DNMT1: variants seen among roughly 807,000 people sequenced by gnomAD.
DNMT1 encodes the protein DNA (cytosine-5)-methyltransferase 1.
Under a neutral mutation model 205.3 loss-of-function variants are expected in DNMT1, and 24 were observed. The observed-to-expected ratio is 0.12, with a 90% confidence interval of 0.08 to 0.16. The LOEUF (loss-of-function observed/expected upper bound fraction) is 0.16. DNMT1 is among the 10% of genes least tolerant of loss of function. The probability of loss-of-function intolerance (pLI) is 1.00; values close to 1 mark genes in which losing one functional copy is unlikely to be tolerated. For synonymous variants in DNMT1, 817 were observed against 839.8 expected, an observed-to-expected ratio of 0.97 and a Z score of 0.47; for missense variants, 1,293 against 2,177.7, an observed-to-expected ratio of 0.59 and a Z score of 8.09.
At chr19:10,150,497 C>A (rs892693100) in intron 24 of DNMT1, among the ~76,000 whole-genome samples, 2 of 152,212 alleles carry the variant, frequency 1.3e-5, no homozygotes, top group Non-Finnish European at 2.9e-5. Context: ...CTCCCAGCCC[C>A]CTACCCTGCA....
At chr19:10,193,650 A>G (rs1364147337) in intron 1 of DNMT1, among the ~76,000 whole-genome samples, 1 of 147,738 alleles carries the variant, frequency 6.8e-6, no homozygotes, top group African/African-American at 2.5e-5. Context: ...GGCATAAGCC[A>G]CAGCACCCAG....
chr19:10,177,497 G>T, intron 5 of DNMT1, 130 bp from the exon 6 acceptor site: 1 of 884,538 alleles, frequency 1.1e-6, no homozygotes, highest in Non-Finnish European at 1.7e-6. Flanking sequence ...AAGCATCTTT[G>T]CATTTTTATT....
Position 10,154,154 on chromosome 19 carries a change from CACTA to C in DNMT1, c.2019+135_2019+138del, listed in dbSNP as rs2038406166. 5.6e-6 allele frequency: 5 copies of C among 896,862 alleles called. No homozygotes were observed. In the East Asian group the frequency reaches 7.2e-5, roughly 13 times the overall value. The allele number at this position is 896,862 out of a possible 1,614,324, so 55.6% of individuals were successfully genotyped here. On this transcript the variant is annotated intron_variant, in intron 22 of 40. Transcript: ENST00000359526. This position sits in a 1 kb window ranked among gnomAD's most constrained non-coding sequence, Gnocchi z 6.3. Reference sequence around the variant, plus strand: ...TGAAGTATGCAGGGTCCTCCCAGACCACTAACTAATTTCTGTCTCAGGGGTCACA... The same window carrying C: ...TGAAGTATGCAGGGTCCTCCCAGACCACTAATTTCTGTCTCAGGGGTCACA...
At chr19:10,143,652 G>A (rs1205530176) in intron 29 of DNMT1, 114 bp downstream of exon 29, 2 of 1,187,498 alleles carry the variant, frequency 1.7e-6, no homozygotes, top group African/African-American at 3.0e-5. Context: ...TGGAAAAACA[G>A]CTACTTCAAC....
In DNMT1 at chr19:10,154,214, A is replaced by T; in HGVS notation, c.2019+79T>A. ...GCAGCCAGAGTCTCAAGCCACAGAG[A>T]GAAAGATGGAGCAGTCCTCAGATCA... is the stretch of plus-strand genomic sequence containing the variant. On this transcript the variant is annotated intron_variant, in intron 22 of 40. Transcript: ENST00000359526. This position sits in a 1 kb window ranked among gnomAD's most constrained non-coding sequence, Gnocchi z 6.3. 1 of 1,441,252 alleles carries T rather than the reference A, an allele frequency of 6.9e-7. No individual in the cohort carries two copies. The highest frequency in any genetic ancestry group is 2.0e-4 in the Middle Eastern group (1 of 4,884). The allele number at this position is 1,441,252 out of a possible 1,614,324, so 89.3% of individuals were successfully genotyped here.
intron 39 of DNMT1, 140 bp from the exon 40 acceptor site, chr19:10,134,447 A>G (rs1423189290): frequency 5.5e-6 from 4 of 728,100 alleles, no homozygotes; most frequent in South Asian, 1.8e-5. Context: ...TCCTGCTCAC[A>G]TGGGCCCAAA....
At chr19:10,189,058 C>T (rs961270624) in intron 1 of DNMT1, among the ~76,000 whole-genome samples, 5 of 152,000 alleles carry the variant, frequency 3.3e-5, no homozygotes, top group African/African-American at 7.2e-5. Flanking sequence ...TCCTTTAAGC[C>T]GGCAAGTTTG....
In DNMT1 at chr19:10,140,526, C is replaced by T. The variant is rs1471460427; in HGVS notation, c.3524-198G>A. 1.5e-5 allele frequency: 14 copies of T among 912,556 alleles called. No individual in the cohort carries two copies. Among genetic ancestry groups the T allele is most frequent in the African/African-American group, 8.3e-5 (5 of 60,122 alleles). 56.5% of individuals were successfully genotyped at this position (912,556 alleles called of 1,614,324 possible). ...CTGGGACTACAGGCACACACCACCACGCCCAGCTAATTTTTGTATTCTTAT... is the reference window on the plus strand; with the variant it reads ...CTGGGACTACAGGCACACACCACCATGCCCAGCTAATTTTTGTATTCTTAT... On this transcript the variant is annotated intron_variant, in intron 32 of 40. Transcript: ENST00000359526. The surrounding 1 kb of genome is among the most constrained non-coding windows in gnomAD (Gnocchi z 8.4).
At chr19:10,181,732 G>A (rs986790224) in intron 2 of DNMT1, among the ~76,000 whole-genome samples, 1 of 152,022 alleles carries the variant, frequency 6.6e-6, no homozygotes, top group Non-Finnish European at 1.5e-5. Context: ...GGGAGGCTGA[G>A]GCAGGAGAAC....
At chr19:10,153,210 A>G (rs1331570744) in intron 22 of DNMT1, among the ~76,000 whole-genome samples, 2 of 152,224 alleles carry the variant, frequency 1.3e-5, no homozygotes, top group African/African-American at 2.4e-5. Context: ...CCACATATTT[A>G]CAATACTGAA....
At chr19:10,166,050 C>T (rs1157602032) in intron 11 of DNMT1, among the ~76,000 whole-genome samples, 1 of 152,152 alleles carries the variant, frequency 6.6e-6, no homozygotes, top group Non-Finnish European at 1.5e-5. Flanking sequence ...CGCCCCCCAC[C>T]GATGACCTAG....
chr19:10,194,795 C>G, intron 1 of DNMT1, 25 bp downstream of exon 1: 1 of 1,609,264 alleles, frequency 6.2e-7, no homozygotes, highest in Non-Finnish European at 8.5e-7. Flanking sequence ...CCCCCTGAGT[C>G]CGTGTTCCCC....
chr19:10,181,043 G>T (rs1478819232), intron 2 of DNMT1, among the ~76,000 whole-genome samples, 158 bp from the exon 3 acceptor site: 3 of 152,192 alleles, frequency 2.0e-5, no homozygotes, highest in African/African-American at 7.2e-5. Context: ...AATGTGTTCA[G>T]GGAATTTCCA....
chr19:10,140,272 G>T lies in DNMT1; in HGVS notation c.3580C>A (p.Arg1194=). 6.2e-7 allele frequency: 1 copy of T among 1,614,014 alleles called. No individual in the cohort carries two copies. The highest frequency in any genetic ancestry group is 1.1e-5 in the South Asian group (1 of 91,084). The change falls in exon 33 of 41, where the codon CGG becomes AGG. Residue 1194 remains arginine (R), a synonymous_variant. Transcript: ENST00000359526. The surrounding 1 kb of genome is among the most constrained non-coding windows in gnomAD (Gnocchi z 8.4). The part of the protein sequence containing the change: ...EMWDPAAQAF[R]LNNPGSTVFT... ...ACTGTGGAGCCGGGGTTGTTCAGCC[G>T]GAACGCCTGGGCCGCAGGGTCCCAC...
At chr19:10,177,119 G>GT (rs2038952228) in intron 6 of DNMT1, among the ~76,000 whole-genome samples, 173 bp downstream of exon 6, 1 of 152,004 alleles carries the variant, frequency 6.6e-6, no homozygotes, top group Non-Finnish European at 1.5e-5. Flanking sequence ...TCCTATATGA[G>GT]TAAAAACAGG....
chr19:10,189,265 G>A (rs1333983723), intron 1 of DNMT1, among the ~76,000 whole-genome samples: 5 of 152,088 alleles, frequency 3.3e-5, no homozygotes, highest in Admixed American at 1.3e-4. Flanking sequence ...GACTATAGGC[G>A]TGTGCCACCA....
At chr19:10,175,507 G>A (rs766148105) in intron 7 of DNMT1, 33 bp downstream of exon 7, 20 of 1,611,084 alleles carry the variant, frequency 1.2e-5, no homozygotes, top group Non-Finnish European at 1.6e-5. Flanking sequence ...ACCAAGTTAA[G>A]GTAGAGTCAG....
chr19:10,138,071 A>T lies in DNMT1; in HGVS notation c.4116-62T>A. On this transcript the variant is annotated intron_variant, in intron 35 of 40. Transcript: ENST00000359526. This position sits in a 1 kb window ranked among gnomAD's most constrained non-coding sequence, Gnocchi z 4.1. The stretch of plus-strand genomic sequence containing the variant: ...CACGCAGCAGCTGTCCCCTCATCAC[A>T]GGTGCCACCCCCTGCCTGCTCAGAT... 1 of 1,544,500 alleles carries T rather than the reference A, an allele frequency of 6.5e-7. No homozygotes were observed. The highest frequency in any genetic ancestry group is 8.8e-7 in the Non-Finnish European group (1 of 1,138,600).
Position 10,151,992 on chromosome 19 carries a change from T to G in DNMT1, c.2020-145A>C. 1 of 736,362 alleles carries G rather than the reference T, an allele frequency of 1.4e-6. No homozygotes were observed. The highest frequency in any genetic ancestry group is 2.4e-6 in the Non-Finnish European group (1 of 418,736). 45.6% of individuals were successfully genotyped at this position (736,362 alleles called of 1,614,324 possible). On this transcript the variant is annotated intron_variant, in intron 22 of 40. Transcript: ENST00000359526. This position sits in a 1 kb window ranked among gnomAD's most constrained non-coding sequence, Gnocchi z 5.0. ...CTGGCCAACGTGGTGAAACCCCATC[T>G]CTACTAAAAATACAAAGATTAGCCA...
Sources: gnomAD v4.1 joint callset for allele counts (sites outside exome capture counted in the v4.1 genomes callset) on GRCh38, gnomAD v4.1.1 for gene constraint, Gnocchi (gnomAD v3.1) non-coding constraint, MANE v1.5 for transcripts, NCBI Gene and HGNC (gene_info 2026-07-23, HGNC 2026-07-21) for gene names.